The following PHLPP1 variants were observed in gnomAD, a reference collection of about 807,000 sequenced individuals.
PHLPP1 encodes PH domain leucine-rich repeat-containing protein phosphatase 1.
PHLPP1 carries 42 observed loss-of-function variants against 117.2 expected under a neutral mutation model. The observed-to-expected ratio is 0.36, with a 90% CI of 0.28 to 0.46. PHLPP1 has a LOEUF of 0.46. Ranked by LOEUF, PHLPP1 falls within the 20% of genes least tolerant of loss-of-function variation. The probability of loss-of-function intolerance (pLI) is 1.00; values close to 1 mark genes in which losing one functional copy is unlikely to be tolerated. For missense variants in PHLPP1, 2,084 were observed against 2,241.9 expected (o/e 0.93, Z 1.42); for synonymous variants, 1,042 against 970.7 (o/e 1.07, Z -1.37).
intron 1 of PHLPP1, among the ~76,000 whole-genome samples, chr18:62,821,997 G>A (rs1018406925): frequency 1.3e-5 from 2 of 152,158 alleles, no homozygotes; most frequent in African/African-American, 4.8e-5. Context: ...TCAGGAGGCT[G>A]AGGCAGAAAG....
At chr18:62,876,019 C>T (rs964577733) in intron 4 of PHLPP1, among the ~76,000 whole-genome samples, 1 of 152,116 alleles carries the variant, frequency 6.6e-6, no homozygotes, top group African/African-American at 2.4e-5. Flanking sequence ...AGGTGTGAGC[C>T]ACTGTGCCCG....
At chr18:62,936,997 T>C (rs1038515671) in intron 10 of PHLPP1, among the ~76,000 whole-genome samples, 1 of 152,238 alleles carries the variant, frequency 6.6e-6, no homozygotes, top group Non-Finnish European at 1.5e-5. Context: ...GTTGTGACTA[T>C]GTAGAGTTTT....
intron 4 of PHLPP1, among the ~76,000 whole-genome samples, chr18:62,880,795 C>T (rs1375883316): frequency 6.6e-6 from 1 of 152,070 alleles, no homozygotes; most frequent in Non-Finnish European, 1.5e-5. Flanking sequence ...TCATTGTTTT[C>T]CTGAATTTAG....
intron 12 of PHLPP1, among the ~76,000 whole-genome samples, chr18:62,952,113 C>A (rs2658591): frequency 1.3e-5 from 2 of 151,714 alleles, no homozygotes; most frequent in East Asian, 4.0e-4. Context: ...CCACCGCGCC[C>A]GGCCATAATC....
intron 1 of PHLPP1, among the ~76,000 whole-genome samples, chr18:62,773,775 T>C (rs1484457243): frequency 1.8e-4 from 28 of 152,202 alleles, no homozygotes; most frequent in Admixed American, 1.8e-3. Context: ...TAAAATATCA[T>C]AGAATGTGTG....
At chr18:62,961,054 T>C (rs1241914164) in intron 13 of PHLPP1, among the ~76,000 whole-genome samples, 2 of 152,150 alleles carry the variant, frequency 1.3e-5, no homozygotes, top group Non-Finnish European at 2.9e-5. Flanking sequence ...CCCAGCACTT[T>C]GGGAGGCCGA....
intron 1 of PHLPP1, among the ~76,000 whole-genome samples, chr18:62,733,505 C>T (rs1226305099): frequency 6.6e-6 from 1 of 152,138 alleles, no homozygotes; most frequent in Non-Finnish European, 1.5e-5. Context: ...TGGAACTGAA[C>T]CTGCAGTATT....
chr18:62,716,293 G>T lies in PHLPP1; in HGVS notation c.610G>T (p.Val204Leu). Residue 204 changes from valine (V) to leucine (L), a missense_variant, in exon 1 of 17, where the codon GTG becomes TTG. Transcript: ENST00000262719. This position sits in a 1 kb window ranked among gnomAD's most constrained non-coding sequence, Gnocchi z 5.7. ...WVRHQLQRGC[V>L]HVFDRHMAST... is the part of the protein sequence containing the mutation. ...GAGGCACCAGCTCCAGCGCGGCTGC[G>T]TGCACGTCTTCGACCGCCACATGGC... is the stretch of plus-strand genomic sequence containing the variant. 3.9e-6 allele frequency: 6 copies of T among 1,531,348 alleles called. No individual in the cohort carries two copies. The highest frequency in any genetic ancestry group is 5.2e-6 in the Non-Finnish European group (6 of 1,145,298). The allele number at this position is 1,531,348 out of a possible 1,614,324, so 94.9% of individuals were successfully genotyped here.
chr18:62,979,628 C>G lies in PHLPP1; in HGVS notation c.*197C>G. ...TAATCACCACTTTCTTCTAGTGATG[C>G]TTTACCAATATGATTTACATTTGTT... On this transcript the variant is annotated 3_prime_UTR_variant, in exon 17 of 17. Transcript: ENST00000262719. 1.7e-6 allele frequency: 1 copy of G among 602,688 alleles called. No individual in the cohort carries two copies. Among genetic ancestry groups the G allele is most frequent in the Non-Finnish European group, 2.9e-6 (1 of 344,084 alleles). 37.3% of individuals were successfully genotyped at this position (602,688 alleles called of 1,614,324 possible).
At chr18:62,887,712 A>G (rs1916316575) in intron 4 of PHLPP1, among the ~76,000 whole-genome samples, 1 of 151,986 alleles carries the variant, frequency 6.6e-6, no homozygotes, top group Non-Finnish European at 1.5e-5. Flanking sequence ...TCAACATGGG[A>G]ATTTTGTTTT....
chr18:62,783,834 A>T (rs535485344), intron 1 of PHLPP1, among the ~76,000 whole-genome samples: 1 of 152,292 alleles, frequency 6.6e-6, no homozygotes, highest in African/African-American at 2.4e-5. Flanking sequence ...TGGAAGTAAA[A>T]AAGCAATACG....
At chr18:62,882,012 G>GT (rs1916184846) in intron 4 of PHLPP1, among the ~76,000 whole-genome samples, 1 of 152,320 alleles carries the variant, frequency 6.6e-6, no homozygotes, top group East Asian at 1.9e-4. Flanking sequence ...GGCAAAAGGT[G>GT]TTCCTTCCTT....
chr18:62,844,207 G>A (rs1915121528), intron 3 of PHLPP1, among the ~76,000 whole-genome samples: 1 of 151,908 alleles, frequency 6.6e-6, no homozygotes, highest in African/African-American at 2.4e-5. Context: ...CATGATGGTG[G>A]GTGTCTGTAA....
chr18:62,732,971 G>T (rs1339627255), intron 1 of PHLPP1, among the ~76,000 whole-genome samples: 1 of 152,236 alleles, frequency 6.6e-6, no homozygotes, highest in African/African-American at 2.4e-5. Context: ...GACAAGCAAA[G>T]AAAGTGGTTT....
chr18:62,732,200 AGAG>A (rs1416231997), intron 1 of PHLPP1, among the ~76,000 whole-genome samples: 4 of 152,214 alleles, frequency 2.6e-5, no homozygotes, highest in African/African-American at 9.7e-5. Context: ...TCATAGCTAG[AGAG>A]GAGAAGTCAG....
chr18:62,884,086 A>G (rs1189507770), intron 4 of PHLPP1, among the ~76,000 whole-genome samples: 1 of 152,212 alleles, frequency 6.6e-6, no homozygotes, highest in Non-Finnish European at 1.5e-5. Context: ...GGAATACATT[A>G]TGGTTCATTT....
chr18:62,761,729 T>C (rs2144249752), intron 1 of PHLPP1, among the ~76,000 whole-genome samples: 1 of 152,056 alleles, frequency 6.6e-6, no homozygotes, highest in Non-Finnish European at 1.5e-5. Flanking sequence ...CTTCTACAAA[T>C]TTGAAGTAGA....
At chr18:62,821,633 G>C (rs1025458878) in intron 1 of PHLPP1, among the ~76,000 whole-genome samples, 4 of 151,090 alleles carry the variant, frequency 2.6e-5, no homozygotes, top group African/African-American at 9.7e-5. Context: ...TAATAAAATT[G>C]GTAGTTCTCT....
At chr18:62,776,500 A>C (rs1270902666) in intron 1 of PHLPP1, among the ~76,000 whole-genome samples, 1 of 152,154 alleles carries the variant, frequency 6.6e-6, no homozygotes, top group Non-Finnish European at 1.5e-5. Context: ...TGACATACAA[A>C]ATTGAGCCAT....
Sources: allele counts gnomAD v4.1 joint callset (sites outside exome capture counted in the v4.1 genomes callset), GRCh38; gene constraint gnomAD v4.1.1; non-coding constraint Gnocchi (gnomAD v3.1); transcripts MANE v1.5; gene names NCBI Gene and HGNC (gene_info 2026-07-23, HGNC 2026-07-21).